SUSD4: variants seen among roughly 807,000 people sequenced by gnomAD.
SUSD4 encodes sushi domain-containing protein 4.
SUSD4 carries 41 observed loss-of-function variants against 50.5 expected under a neutral mutation model. The observed-to-expected ratio is 0.81, with a 90% confidence interval of 0.63 to 1.05. The LOEUF is 1.05. Ranked by LOEUF, SUSD4 falls within the 50% of genes least tolerant of loss-of-function variation. SUSD4 has a pLI of 0.00. For missense variants in SUSD4, 580 were observed against 634.7 expected, an observed-to-expected ratio of 0.91 and a Z score of 0.93; for synonymous variants, 257 against 257.3, an observed-to-expected ratio of 1.00 and a Z score of 0.01.
chr1:223,312,475 C>A (rs939928370), intron 2 of SUSD4, among the ~76,000 whole-genome samples: 4 of 152,102 alleles, frequency 2.6e-5, no homozygotes, highest in African/African-American at 9.7e-5. Flanking sequence ...GGCTCCATCA[C>A]CTCACTGATA....
chr1:223,302,241 A>T, intron 2 of SUSD4, among the ~76,000 whole-genome samples: 1 of 152,214 alleles, frequency 6.6e-6, no homozygotes, highest in Admixed American at 6.5e-5. Flanking sequence ...CAGCCTGCAG[A>T]ACCATGAGCA....
intron 5 of SUSD4, among the ~76,000 whole-genome samples, chr1:223,252,234 A>ATATATAT (rs1553285698): frequency 8.5e-3 from 629 of 74,102 alleles, no homozygotes; most frequent in Non-Finnish European, 0.012. Context: ...AAAAAAAAAA[A>ATATATAT]AAATATATAT....
intron 3 of SUSD4, among the ~76,000 whole-genome samples, chr1:223,291,622 T>G (rs1479000923): frequency 6.6e-6 from 1 of 152,086 alleles, no homozygotes; most frequent in African/African-American, 2.4e-5. Context: ...AAATCAGTGT[T>G]AAGAGAAACT....
intron 2 of SUSD4, among the ~76,000 whole-genome samples, chr1:223,362,199 G>A (rs897305568): frequency 6.6e-6 from 1 of 152,158 alleles, no homozygotes; most frequent in African/African-American, 2.4e-5. Flanking sequence ...ATTACTCTGT[G>A]TTAAAGCCCA....
chr1:223,361,954 A>G (rs1336323535), intron 2 of SUSD4, among the ~76,000 whole-genome samples: 1 of 152,238 alleles, frequency 6.6e-6, no homozygotes, highest in Admixed American at 6.5e-5. Flanking sequence ...CTGGCCTCAC[A>G]CTTGACCTTC....
At chr1:223,285,122 T>C (rs1054288915) in intron 3 of SUSD4, among the ~76,000 whole-genome samples, 5 of 152,188 alleles carry the variant, frequency 3.3e-5, no homozygotes, top group Non-Finnish European at 7.3e-5. Context: ...ATGTATCCCA[T>C]GAATATGTAT....
chr1:223,326,870 A>C (rs2103261057), intron 2 of SUSD4, among the ~76,000 whole-genome samples: 1 of 152,316 alleles, frequency 6.6e-6, no homozygotes, highest in African/African-American at 2.4e-5. Flanking sequence ...GATGTGGGAA[A>C]AAGGGAATGA....
chr1:223,357,709 A>G (rs1668743850), intron 2 of SUSD4, among the ~76,000 whole-genome samples: 1 of 152,258 alleles, frequency 6.6e-6, no homozygotes, highest in Admixed American at 6.5e-5. Flanking sequence ...ATGTCGGCCA[A>G]CTTAAAATTT....
At chr1:223,250,871 G>C (rs1460908492) in intron 5 of SUSD4, among the ~76,000 whole-genome samples, 1 of 152,174 alleles carries the variant, frequency 6.6e-6, no homozygotes, top group Non-Finnish European at 1.5e-5. Flanking sequence ...CTGGCCAACT[G>C]GGGTTTGGGA....
upstream of SUSD4, among the ~76,000 whole-genome samples, chr1:223,365,068 G>A (rs1669241118): frequency 6.6e-6 from 1 of 152,140 alleles, no homozygotes; most frequent in Non-Finnish European, 1.5e-5. Flanking sequence ...GGGGGTAGCG[G>A]GTGATTGGTG....
chr1:223,242,482 C>G (rs550713216), intron 5 of SUSD4, among the ~76,000 whole-genome samples: 12 of 152,302 alleles, frequency 7.9e-5, no homozygotes, highest in African/African-American at 2.9e-4. Flanking sequence ...TCCACTGCCC[C>G]ACCCTTGCCA....
intron 2 of SUSD4, among the ~76,000 whole-genome samples, chr1:223,322,903 G>A (rs1666662180): frequency 6.6e-6 from 1 of 152,156 alleles, no homozygotes. Flanking sequence ...GCTCCCTGCA[G>A]CCTTTACACA....
At chr1:223,310,657 G>A (rs1665820260) in intron 2 of SUSD4, among the ~76,000 whole-genome samples, 1 of 152,116 alleles carries the variant, frequency 6.6e-6, no homozygotes, top group Non-Finnish European at 1.5e-5. Context: ...GAATGTTGAT[G>A]GGTGATTTTT....
At chr1:223,225,171 G>C (rs996923980) in intron 7 of SUSD4, among the ~76,000 whole-genome samples, 31 of 152,102 alleles carry the variant, frequency 2.0e-4, no homozygotes, top group African/African-American at 7.5e-4. Context: ...TGCCCGGCCG[G>C]AACTTGGTTT....
intron 2 of SUSD4, among the ~76,000 whole-genome samples, chr1:223,323,242 G>C (rs1052708809): frequency 6.6e-6 from 1 of 150,982 alleles, no homozygotes; most frequent in African/African-American, 2.4e-5. Context: ...AGGGAGAGAG[G>C]GAGGGATGGA....
In SUSD4 at chr1:223,355,640, A is replaced by AG. The variant is rs539803063; in HGVS notation, c.148+7637dup. On this transcript the variant is annotated intron_variant, in intron 2 of 8. Coordinates refer to ENST00000366878, the MANE Select transcript of SUSD4 (RefSeq NM_017982.4). ...GGTCTTTTTATATTTTGTTACTCTG[A>AG]GAAAAAAAGGAATATAATGCATGAG... 4.6e-5 allele frequency among the ~76,000 whole-genome samples: 7 copies of AG among 152,288 alleles called. No homozygotes were observed. The South Asian group carries it at 1.2e-3, about 27-fold the overall frequency.
At chr1:223,249,812 A>G (rs1470380629) in intron 5 of SUSD4, among the ~76,000 whole-genome samples, 4 of 152,260 alleles carry the variant, frequency 2.6e-5, no homozygotes, top group Non-Finnish European at 5.9e-5. Flanking sequence ...GAAAGGCACC[A>G]TGCTTTTCTG....
At chr1:223,250,567 A>G (rs1049201475) in intron 5 of SUSD4, among the ~76,000 whole-genome samples, 11 of 152,186 alleles carry the variant, frequency 7.2e-5, no homozygotes, top group African/African-American at 2.4e-4. Flanking sequence ...GCCATATCTT[A>G]CTGAGTCATG....
At chr1:223,245,522 A>G (rs1660861141) in intron 5 of SUSD4, among the ~76,000 whole-genome samples, 2 of 152,158 alleles carry the variant, frequency 1.3e-5, no homozygotes, top group Non-Finnish European at 2.9e-5. Context: ...AGGGCTACAC[A>G]GCACGAGGGA....
Sources: allele counts gnomAD v4.1 joint callset (sites outside exome capture counted in the v4.1 genomes callset), GRCh38; gene constraint gnomAD v4.1.1; transcripts MANE v1.5; gene names NCBI Gene and HGNC (gene_info 2026-07-23, HGNC 2026-07-21).